MTMR10: variants seen among roughly 807,000 people sequenced by gnomAD.
The protein encoded by MTMR10 is myotubularin-related protein 10.
A neutral mutation model predicts 88.1 loss-of-function variants in MTMR10; 56 were observed. The observed-to-expected ratio is 0.64, with a 90% confidence interval of 0.51 to 0.79. The LOEUF is 0.79. Ranked by LOEUF, MTMR10 falls within the 30% of genes least tolerant of loss-of-function variation. The pLI is 0.00. For synonymous variants in MTMR10, 380 were observed against 340.9 expected, an observed-to-expected ratio of 1.11 and a Z score of -1.26; for missense variants, 883 against 924.7, an observed-to-expected ratio of 0.95 and a Z score of 0.58.
Position 30,954,762 on chromosome 15 carries a change from C to T in MTMR10, c.1066+1G>A. The T allele has an allele frequency of 6.3e-7, 1 of 1,592,770 alleles. No homozygotes were observed. The highest frequency in any genetic ancestry group is 8.5e-7 in the Non-Finnish European group (1 of 1,171,752). ...TATATATGAAATAAGAATGAAATTA[C>T]CATTAACGCATAGCTGCTTCAGTTT... On this transcript the variant is annotated splice_donor_variant, in intron 10 of 15. Transcript: ENST00000435680. LOFTEE classifies it high-confidence loss of function.
In MTMR10 at chr15:30,959,070, C is replaced by T; in HGVS notation, c.810G>A (p.Lys270=). ...VPSSLADQDL[K]IFSHSFVGRR... is the part of the protein sequence containing the mutation. ...TCCCAACAAAAGAATGGGAAAAGAT[C>T]TTTAGATCTTGGTCTGCTAAAGAAC... Residue 270 remains lysine, a synonymous_variant, in exon 8 of 16, where the codon AAG becomes AAA. Coordinates refer to ENST00000435680, the MANE Select transcript of MTMR10 (RefSeq NM_017762.3). 1 of 1,612,120 alleles carries T rather than the reference C, an allele frequency of 6.2e-7. No individual in the cohort carries two copies. The highest frequency in any genetic ancestry group is 8.5e-7 in the Non-Finnish European group (1 of 1,178,884).
chr15:30,925,360 C>T, the MTMR10 span: 11 of 1,411,400 alleles, frequency 7.8e-6, no homozygotes, highest in South Asian at 1.1e-4. Flanking sequence ...CCAGAAGCAT[C>T]CTAAGAGCTG....
intron 2 of MTMR10, among the ~76,000 whole-genome samples, chr15:30,988,724 CACGCCTGTAATCCCAGCACT>C (rs2031111098): frequency 3.9e-5 from 6 of 152,178 alleles, no homozygotes; most frequent in Admixed American, 1.3e-4. Flanking sequence ...CGCAGTGGCT[CACGCCTGTAATCCCAGCACT>C]TTGGGAGGCC....
intron 2 of MTMR10, among the ~76,000 whole-genome samples, chr15:30,988,925 G>A (rs1451872750): frequency 1.3e-4 from 20 of 148,468 alleles, no homozygotes; most frequent in Admixed American, 1.3e-3. Context: ...GGGAGGCAGA[G>A]GTTGCAGTGA....
At chr15:30,977,016 G>A in intron 2 of MTMR10, 61 bp from the exon 3 acceptor site, 1 of 1,503,224 alleles carries the variant, frequency 6.7e-7, no homozygotes, top group East Asian at 2.3e-5. Flanking sequence ...GGTCTTTGTG[G>A]GACCTAGAAG....
the MTMR10 span, among the ~76,000 whole-genome samples, chr15:30,924,697 T>G: frequency 7.9e-5 from 12 of 152,206 alleles, no homozygotes; most frequent in Admixed American, 1.3e-4. Flanking sequence ...CCTGGCGCTT[T>G]GATGTGGCCC....
Position 30,980,716 on chromosome 15 carries a change from C to A in MTMR10, c.122-3761G>T, listed in dbSNP as rs113838194. Reference sequence around the variant, plus strand: ...GATGAGTCTGTAGCCTCTGGTAATGCCAGAATACCAGAAAATATGGAAGTG... The same window carrying A: ...GATGAGTCTGTAGCCTCTGGTAATGACAGAATACCAGAAAATATGGAAGTG... On this transcript the variant is annotated intron_variant, in intron 2 of 15. Coordinates refer to ENST00000435680, the MANE Select transcript of MTMR10 (RefSeq NM_017762.3). Among the ~76,000 whole-genome samples, 1,240 of 151,230 alleles carry A rather than the reference C, an allele frequency of 8.2e-3. 14 individuals carry two copies. The highest frequency in any genetic ancestry group is 0.029 in the African/African-American group (1,175 of 41,064).
chr15:30,940,282 C>T lies in MTMR10; in HGVS notation c.*1188G>A. 1 of 867,162 alleles carries T rather than the reference C, an allele frequency of 1.2e-6. No homozygotes were observed. The highest frequency in any genetic ancestry group is 1.4e-6 in the Non-Finnish European group (1 of 723,110). The allele number at this position is 867,162 out of a possible 1,614,324, so 53.7% of individuals were successfully genotyped here. A position where few individuals can be genotyped will look rare whatever the true frequency, so the allele number is the denominator to read the frequency against. ...TGTCACACAGTTTGGAAATACTTTA[C>T]TTTAGAGAGATTCAGATCAAGCAAA... On this transcript the variant is annotated 3_prime_UTR_variant, in exon 16 of 16. Coordinates refer to ENST00000435680, the MANE Select transcript of MTMR10 (RefSeq NM_017762.3).
chr15:30,927,897 T>C, the MTMR10 span: 1 of 985,754 alleles, frequency 1.0e-6, no homozygotes, highest in African/African-American at 1.7e-5. Context: ...ACCTGACTTC[T>C]GTCTCTCAGG....
chr15:30,926,816 G>A, the MTMR10 span: 11 of 985,390 alleles, frequency 1.1e-5, no homozygotes, highest in Non-Finnish European at 1.3e-5. Flanking sequence ...AAAAACACAC[G>A]ATTCCTTTCC....
At chr15:30,925,398 C>T in the MTMR10 span, 54 of 1,092,144 alleles carry the variant, frequency 4.9e-5, no homozygotes, top group East Asian at 6.9e-4. Context: ...CTTTTAGACT[C>T]GGAATAATCT....
downstream of MTMR10, among the ~76,000 whole-genome samples, chr15:30,936,786 C>T (rs183355810): frequency 8.0e-4 from 122 of 152,284 alleles, 2 homozygotes; most frequent in East Asian, 0.016. Context: ...CACTGCAAAC[C>T]GTAGAGTACT....
chr15:30,987,061 T>A (rs1245269089), intron 2 of MTMR10, among the ~76,000 whole-genome samples: 1 of 152,194 alleles, frequency 6.6e-6, no homozygotes, highest in African/African-American at 2.4e-5. Flanking sequence ...ACTGAAAGAA[T>A]GAAATTCACA....
At chr15:30,960,436 A>G (rs1215428975) in intron 7 of MTMR10, among the ~76,000 whole-genome samples, 1 of 152,192 alleles carries the variant, frequency 6.6e-6, no homozygotes, top group Non-Finnish European at 1.5e-5. Context: ...ATTACGGGAC[A>G]CCCTGGGGAT....
chr15:30,989,168 C>T (rs537098559), intron 2 of MTMR10, among the ~76,000 whole-genome samples: 4 of 152,086 alleles, frequency 2.6e-5, no homozygotes, highest in African/African-American at 9.7e-5. Context: ...AGCTCATAGG[C>T]ACTCATTCAA....
Position 30,940,750 on chromosome 15 carries a change from GA to G in MTMR10, c.*719del. 1 of 989,948 alleles carries G rather than the reference GA, an allele frequency of 1.0e-6. No homozygotes were observed. The highest frequency in any genetic ancestry group is 1.2e-6 in the Non-Finnish European group (1 of 832,846). 61.3% of individuals were successfully genotyped at this position (989,948 alleles called of 1,614,324 possible). A position where few individuals can be genotyped will look rare whatever the true frequency, so the allele number is the denominator to read the frequency against. On this transcript the variant is annotated 3_prime_UTR_variant, in exon 16 of 16. Transcript: ENST00000435680. ...AAAGCCTATTTCAAATATGCAATGGGATTTTCCCACCCCAATTTTAAAAAGT... is the reference window on the plus strand; with the variant it reads ...AAAGCCTATTTCAAATATGCAATGGGTTTTCCCACCCCAATTTTAAAAAGT...
Position 30,939,478 on chromosome 15 carries a change from T to C in MTMR10, c.*1992A>G, listed in dbSNP as rs1272722971. The C allele has an allele frequency of 2.0e-6, 2 of 985,244 alleles. No individual in the cohort carries two copies. The highest frequency in any genetic ancestry group is 2.4e-6 in the Non-Finnish European group (2 of 829,836). 61.0% of individuals were successfully genotyped at this position (985,244 alleles called of 1,614,324 possible). A position where few individuals can be genotyped will look rare whatever the true frequency, so the allele number is the denominator to read the frequency against. On this transcript the variant is annotated 3_prime_UTR_variant, in exon 16 of 16. Coordinates refer to ENST00000435680, the MANE Select transcript of MTMR10 (RefSeq NM_017762.3). Reference sequence around the variant, plus strand: ...TGAAGGCTGTCATAGTTGTTTTTCATATTATGCACAATAAACTGTAGCACA... The same window carrying C: ...TGAAGGCTGTCATAGTTGTTTTTCACATTATGCACAATAAACTGTAGCACA...
intron 6 of MTMR10, among the ~76,000 whole-genome samples, chr15:30,967,560 A>G (rs1310290761): frequency 2.0e-5 from 3 of 152,204 alleles, no homozygotes; most frequent in South Asian, 2.1e-4. Flanking sequence ...TGCTTTTAAT[A>G]TATCTTTTAG....
At chr15:30,984,837 G>A (rs544381938) in intron 2 of MTMR10, among the ~76,000 whole-genome samples, 3 of 152,296 alleles carry the variant, frequency 2.0e-5, no homozygotes, top group South Asian at 2.1e-4. Context: ...GGGCACTCAA[G>A]ATTCAGAGCA....
Sources: gnomAD v4.1 joint callset for allele counts (sites outside exome capture counted in the v4.1 genomes callset) on GRCh38, gnomAD v4.1.1 for gene constraint, MANE v1.5 for transcripts, NCBI Gene and HGNC (gene_info 2026-07-23, HGNC 2026-07-21) for gene names.